CACNA2D3: variants seen among roughly 807,000 people sequenced by gnomAD.
CACNA2D3 encodes the protein calcium voltage-gated channel auxiliary subunit alpha2delta 3, also known as voltage-dependent calcium channel subunit alpha-2/delta-3.
CACNA2D3 carries 60 observed loss-of-function variants against 160.6 expected under a neutral mutation model. The ratio of observed to expected loss-of-function variants is 0.37; its 90% CI spans 0.30 to 0.46. The LOEUF (loss-of-function observed/expected upper bound fraction) is 0.46, where lower values mean the gene tolerates loss of function less well. Among genes scored for constraint, CACNA2D3 ranks in the 20% least tolerant of loss-of-function variants. The pLI is 1.00. For missense variants in CACNA2D3, 1,205 were observed against 1,365.0 expected, an observed-to-expected ratio of 0.88 and a Z score of 1.85; for synonymous variants, 558 against 492.9, an observed-to-expected ratio of 1.13 and a Z score of -1.75.
intron 11 of CACNA2D3, among the ~76,000 whole-genome samples, chr3:54,702,965 A>G (rs1700793307): frequency 6.6e-6 from 1 of 152,190 alleles, no homozygotes; most frequent in Non-Finnish European, 1.5e-5. Context: ...TCCTAAGCAA[A>G]TTAATATAGG....
chr3:54,988,327 C>T (rs1702662811), intron 31 of CACNA2D3, among the ~76,000 whole-genome samples: 1 of 152,204 alleles, frequency 6.6e-6, no homozygotes, highest in Non-Finnish European at 1.5e-5. Context: ...AGAACTCTCG[C>T]TGATCCTGAA....
At chr3:54,651,772 C>T (rs547099004) in intron 11 of CACNA2D3, among the ~76,000 whole-genome samples, 1 of 152,238 alleles carries the variant, frequency 6.6e-6, no homozygotes, top group Non-Finnish European at 1.5e-5. Flanking sequence ...AAAGGCTTAG[C>T]TTTACCGTGG....
chr3:54,862,962 CTT>C (rs1449925685), intron 17 of CACNA2D3, among the ~76,000 whole-genome samples: 2 of 152,176 alleles, frequency 1.3e-5, no homozygotes, highest in Non-Finnish European at 2.9e-5. Context: ...ACCCAAAAGT[CTT>C]TTGATATGGT....
intron 10 of CACNA2D3, among the ~76,000 whole-genome samples, chr3:54,629,354 C>T (rs960372467): frequency 6.6e-6 from 1 of 152,144 alleles, no homozygotes; most frequent in Non-Finnish European, 1.5e-5. Flanking sequence ...CTTTTTACTA[C>T]TCAGCTATAC....
chr3:54,999,298 GT>G (rs1702928915), intron 31 of CACNA2D3, among the ~76,000 whole-genome samples: 1 of 152,118 alleles, frequency 6.6e-6, no homozygotes, highest in South Asian at 2.1e-4. Context: ...TTTCTGAGAT[GT>G]AAGAATGAGT....
intron 11 of CACNA2D3, among the ~76,000 whole-genome samples, chr3:54,715,123 T>G (rs1024767776): frequency 9.9e-5 from 15 of 152,190 alleles, no homozygotes; most frequent in Non-Finnish European, 1.9e-4. Flanking sequence ...AGTAGTAGAT[T>G]GTCACCTATA....
At chr3:54,668,601 A>G (rs1236076177) in intron 11 of CACNA2D3, among the ~76,000 whole-genome samples, 1 of 77,400 alleles carries the variant, frequency 1.3e-5, no homozygotes, top group African/African-American at 5.5e-5. Flanking sequence ...AGTCTCTTGA[A>G]TTAAAAATAC....
At chr3:55,006,045 C>T (rs904115197) in intron 32 of CACNA2D3, among the ~76,000 whole-genome samples, 27 of 152,170 alleles carry the variant, frequency 1.8e-4, no homozygotes, top group South Asian at 6.2e-4. Context: ...TAAGAGGCAA[C>T]TAAAATGAAT....
At chr3:54,181,888 A>T (rs937588808) in intron 2 of CACNA2D3, among the ~76,000 whole-genome samples, 1 of 152,092 alleles carries the variant, frequency 6.6e-6, no homozygotes, top group Non-Finnish European at 1.5e-5. Context: ...GTCCTGGGAG[A>T]GCCTGACACA....
chr3:54,451,111 G>A (rs1485747310), intron 4 of CACNA2D3, among the ~76,000 whole-genome samples: 1 of 152,024 alleles, frequency 6.6e-6, no homozygotes, highest in Non-Finnish European at 1.5e-5. Context: ...TGGGTACCAG[G>A]TGGCAACCTC....
chr3:54,471,614 C>A (rs1700732662), intron 4 of CACNA2D3, among the ~76,000 whole-genome samples: 1 of 152,002 alleles, frequency 6.6e-6, no homozygotes, highest in Admixed American at 6.6e-5. Flanking sequence ...AATCCAGGAG[C>A]TGTTTTTTTA....
rs1430595388 is a variant in CACNA2D3 at position 54,730,010 on chromosome 3, A to AT, written c.1168-22589_1168-22588insT. Among the ~76,000 whole-genome samples, 10 of 150,982 alleles carry AT rather than the reference A, an allele frequency of 6.6e-5. 1 individual carries two copies. Among genetic ancestry groups the AT allele is most frequent in the Non-Finnish European group, 1.0e-4 (7 of 67,862 alleles). On this transcript the variant is annotated intron_variant, in intron 11 of 37. Coordinates refer to ENST00000474759, the MANE Select transcript of CACNA2D3 (RefSeq NM_018398.3). Reference sequence around the variant, plus strand: ...CAAGACTCCATCTCAAAAAAAAAAAAAAAAAAAAAAATTAGTGTTTATGGA... The same window carrying AT: ...CAAGACTCCATCTCAAAAAAAAAAAATAAAAAAAAAAATTAGTGTTTATGGA...
intron 11 of CACNA2D3, among the ~76,000 whole-genome samples, chr3:54,677,608 T>C (rs1006268264): frequency 2.2e-5 from 3 of 134,566 alleles, no homozygotes; most frequent in Non-Finnish European, 4.7e-5. Flanking sequence ...TGAATAGTTT[T>C]TGTTTTTTTT....
rs1559563849 is a variant in CACNA2D3, at chr3:54,736,130, TGTATATATATAC to T, written c.1168-16468_1168-16457del. On this transcript the variant is annotated intron_variant, in intron 11 of 37. Transcript: ENST00000474759. ...ATATGTATATATATACATATATATA[TGTATATATATAC>T]ACACACACACACACACACACACAGA... Among the ~76,000 whole-genome samples, 10 of 62,218 alleles carry T rather than the reference TGTATATATATAC, an allele frequency of 1.6e-4. 2 individuals carry two copies. The highest frequency in any genetic ancestry group is 2.3e-4 in the Non-Finnish European group (7 of 31,036). 40.8% of individuals were successfully genotyped at this position (62,218 alleles called of 152,430 possible). A position where few individuals can be genotyped will look rare whatever the true frequency, so the allele number is the denominator to read the frequency against.
chr3:54,140,192 G>A (rs1165123901), intron 2 of CACNA2D3, among the ~76,000 whole-genome samples: 3 of 152,156 alleles, frequency 2.0e-5, no homozygotes, highest in East Asian at 1.9e-4. Flanking sequence ...ATCTCCTTGG[G>A]CCAGGTCCTG....
At chr3:54,208,662 T>C (rs1701316308) in intron 2 of CACNA2D3, among the ~76,000 whole-genome samples, 1 of 152,180 alleles carries the variant, frequency 6.6e-6, no homozygotes, top group African/African-American at 2.4e-5. Flanking sequence ...TTCTTTTGTT[T>C]TGGACAGGCA....
chr3:54,493,788 T>G (rs564334555), intron 4 of CACNA2D3, among the ~76,000 whole-genome samples: 1 of 152,334 alleles, frequency 6.6e-6, no homozygotes, highest in Non-Finnish European at 1.5e-5. Flanking sequence ...AACTTTGTAA[T>G]TTTCTGGTAA....
chr3:54,160,670 G>T (rs1469873046), intron 2 of CACNA2D3, among the ~76,000 whole-genome samples: 2 of 152,160 alleles, frequency 1.3e-5, no homozygotes, highest in African/African-American at 4.8e-5. Context: ...TTTTAGGCTT[G>T]TTGTCAAATC....
chr3:54,346,064 A>G (rs1698453449), intron 3 of CACNA2D3, among the ~76,000 whole-genome samples: 1 of 152,060 alleles, frequency 6.6e-6, no homozygotes, highest in South Asian at 2.1e-4. Context: ...CAAAGTTCCC[A>G]TCCTCAAGGA....
Sources: allele counts gnomAD v4.1 joint callset (sites outside exome capture counted in the v4.1 genomes callset), GRCh38; gene constraint gnomAD v4.1.1; transcripts MANE v1.5; gene names NCBI Gene and HGNC (gene_info 2026-07-23, HGNC 2026-07-21).